The following EPB41L4A variants were observed in gnomAD, a reference collection of about 807,000 sequenced individuals.
The protein encoded by EPB41L4A is band 4.1-like protein 4A.
A neutral mutation model predicts 108.6 loss-of-function variants in EPB41L4A; 100 were observed. The observed-to-expected ratio is 0.92, with a 90% CI of 0.78 to 1.09. The LOEUF is 1.09. Among genes scored for constraint, EPB41L4A ranks in the 50% least tolerant of loss-of-function variants. EPB41L4A has a pLI of 0.00. For missense variants in EPB41L4A, 1,030 were observed against 842.7 expected (o/e 1.22, Z -2.75); for synonymous variants, 319 against 289.0 (o/e 1.10, Z -1.05).
chr5:112,336,092 A>G (rs1248308403), intron 1 of EPB41L4A, among the ~76,000 whole-genome samples: 3 of 152,202 alleles, frequency 2.0e-5, no homozygotes, highest in Non-Finnish European at 4.4e-5. Context: ...GAGGGTTTGG[A>G]TAAGTGGGAT....
At chr5:112,350,797 G>A (rs1757992782) in intron 1 of EPB41L4A, among the ~76,000 whole-genome samples, 1 of 152,062 alleles carries the variant, frequency 6.6e-6, no homozygotes, top group South Asian at 2.1e-4. Flanking sequence ...GCAATTGACA[G>A]GATTTCATTC....
chr5:112,333,965 A>C (rs1343645674), intron 1 of EPB41L4A, among the ~76,000 whole-genome samples: 1 of 152,166 alleles, frequency 6.6e-6, no homozygotes, highest in Non-Finnish European at 1.5e-5. Context: ...AAACTGATGG[A>C]ATGGACCCTC....
chr5:112,213,033 C>T (rs1243233296), intron 12 of EPB41L4A, among the ~76,000 whole-genome samples: 1 of 151,924 alleles, frequency 6.6e-6, no homozygotes, highest in Non-Finnish European at 1.5e-5. Context: ...TTAAAGAAAG[C>T]AATATTTGGT....
At chr5:112,319,343 T>G (rs1408320641) in intron 1 of EPB41L4A, among the ~76,000 whole-genome samples, 2 of 152,088 alleles carry the variant, frequency 1.3e-5, no homozygotes, top group African/African-American at 4.8e-5. Context: ...AATACATGTG[T>G]GAATAAATAA....
chr5:112,322,974 C>A, intron 1 of EPB41L4A, among the ~76,000 whole-genome samples: 1 of 121,022 alleles, frequency 8.3e-6, no homozygotes. Flanking sequence ...CAAGAAGATA[C>A]AATTAGAAGA....
intron 1 of EPB41L4A, among the ~76,000 whole-genome samples, chr5:112,335,112 A>T (rs1195164978): frequency 6.6e-6 from 1 of 152,284 alleles, no homozygotes; most frequent in East Asian, 1.9e-4. Flanking sequence ...ATTGGGCACA[A>T]AGGAGCCCTG....
At chr5:112,362,226 T>G (rs1201917403) in intron 1 of EPB41L4A, among the ~76,000 whole-genome samples, 1 of 151,480 alleles carries the variant, frequency 6.6e-6, no homozygotes, top group African/African-American at 2.4e-5. Context: ...ACCTTAAGCC[T>G]GGCAACTGGT....
intron 1 of EPB41L4A, among the ~76,000 whole-genome samples, chr5:112,354,847 C>T (rs1758272353): frequency 6.6e-6 from 1 of 152,134 alleles, no homozygotes; most frequent in Admixed American, 6.5e-5. Flanking sequence ...ACTAGAAAAC[C>T]TATTTAATTT....
chr5:112,331,703 A>G lies in EPB41L4A; in HGVS notation c.100-24213T>C, dbSNP rs531531728. Among the ~76,000 whole-genome samples the G allele has an allele frequency of 1.0e-3, 158 of 152,314 alleles. 1 individual carries two copies. The Middle Eastern group carries it at 0.02, about 20-fold the overall frequency. ...CCCTGACACTGTATAAGCAGGATGC[A>G]GGATCTTCGCAAGTCCAGCTGATGG... On this transcript the variant is annotated intron_variant, in intron 1 of 22. Coordinates refer to ENST00000261486, the MANE Select transcript of EPB41L4A (RefSeq NM_022140.5).
At chr5:112,253,679 G>T (rs139617104) in intron 9 of EPB41L4A, among the ~76,000 whole-genome samples, 345 of 152,254 alleles carry the variant, frequency 2.3e-3, no homozygotes, top group African/African-American at 7.9e-3. Flanking sequence ...CTCTCAAGCT[G>T]TTCTAAAGAG....
At chr5:112,250,704 A>G (rs1434248553) in intron 9 of EPB41L4A, 4 of 152,164 alleles carry the variant, frequency 2.6e-5, no homozygotes, top group Non-Finnish European at 5.9e-5. Flanking sequence ...AGCAAAGGAA[A>G]AGCCATGGGC....
intron 1 of EPB41L4A, among the ~76,000 whole-genome samples, chr5:112,325,738 T>C (rs966220204): frequency 2.0e-5 from 3 of 152,224 alleles, no homozygotes; most frequent in Admixed American, 1.3e-4. Flanking sequence ...CCAGCCCTAC[T>C]TGCAACCTCG....
At chr5:112,286,632 C>T (rs1452915465) in intron 2 of EPB41L4A, among the ~76,000 whole-genome samples, 1 of 152,190 alleles carries the variant, frequency 6.6e-6, no homozygotes, top group African/African-American at 2.4e-5. Context: ...TCTCCTGTTG[C>T]TGTGGAGGAA....
At chr5:112,394,923 C>T (rs941600491) in intron 1 of EPB41L4A, among the ~76,000 whole-genome samples, 3 of 151,992 alleles carry the variant, frequency 2.0e-5, no homozygotes, top group Admixed American at 6.6e-5. Context: ...CAGAACAGAG[C>T]CCTCAGAAAT....
At chr5:112,394,350 C>G (rs1761179825) in intron 1 of EPB41L4A, among the ~76,000 whole-genome samples, 1 of 152,150 alleles carries the variant, frequency 6.6e-6, no homozygotes, top group South Asian at 2.1e-4. Context: ...ACCATAATCT[C>G]GGCCCAAAAT....
chr5:112,275,712 GAAGA>G (rs1201857762), intron 3 of EPB41L4A, among the ~76,000 whole-genome samples: 2 of 150,724 alleles, frequency 1.3e-5, no homozygotes, highest in East Asian at 3.9e-4. Context: ...TTTTCATAGT[GAAGA>G]AAGAAAAAAA....
chr5:112,254,120 G>C (rs529862846), intron 9 of EPB41L4A, among the ~76,000 whole-genome samples: 3 of 152,286 alleles, frequency 2.0e-5, no homozygotes, highest in African/African-American at 7.2e-5. Flanking sequence ...ATACATAAAA[G>C]TAAGCACAGC....
rs1409215778 is a variant in EPB41L4A, at chr5:112,264,937, T to C, written c.513A>G (p.Glu171=). The C allele has an allele frequency of 1.2e-6, 2 of 1,612,532 alleles. No homozygotes were observed. Among genetic ancestry groups the C allele is most frequent in the African/African-American group, 1.3e-5 (1 of 74,880 alleles). Residue 171 remains glutamate, a synonymous_variant, in exon 6 of 23, where the codon GAA becomes GAG. Coordinates refer to ENST00000261486, the MANE Select transcript of EPB41L4A (RefSeq NM_022140.5). The stretch of plus-strand genomic sequence containing the variant: ...TCCTTTCTATGGCTTCTTCAAGTTC[T>C]TCCTTCTGATCAGGAACAAACCGGT... ...SEYRFVPDQK[E]ELEEAIERIH... is the part of the protein sequence containing the mutation.
chr5:112,245,429 C>G (rs1398904815), intron 9 of EPB41L4A, among the ~76,000 whole-genome samples: 1 of 152,094 alleles, frequency 6.6e-6, no homozygotes, highest in Non-Finnish European at 1.5e-5. Context: ...CTCCCAAGTC[C>G]AACTTGAATG....
Sources: gnomAD v4.1 joint callset for allele counts (sites outside exome capture counted in the v4.1 genomes callset) on GRCh38, gnomAD v4.1.1 for gene constraint, MANE v1.5 for transcripts, NCBI Gene and HGNC (gene_info 2026-07-23, HGNC 2026-07-21) for gene names.